TXNL1: variants seen among roughly 807,000 people sequenced by gnomAD.
TXNL1 encodes the protein thioredoxin-like protein 1.
TXNL1 carries 14 observed loss-of-function variants against 35.5 expected under a neutral mutation model. That is an observed-to-expected ratio of 0.39 (90% CI 0.26 to 0.62). The LOEUF is 0.62. Ranked by LOEUF, TXNL1 falls within the 20% of genes least tolerant of loss-of-function variation. The probability of loss-of-function intolerance (pLI) is 0.47; values close to 1 mark genes in which losing one functional copy is unlikely to be tolerated. For missense variants in TXNL1, 263 were observed against 349.7 expected, an observed-to-expected ratio of 0.75 and a Z score of 1.98; for synonymous variants, 110 against 115.5, an observed-to-expected ratio of 0.95 and a Z score of 0.31.
rs2023830107 is a variant in TXNL1 at position 56,602,894 on chromosome 18, A to G, written c.*133T>C. ...AGATTACAATGGAAACACTAGTGAT[A>G]CCATCTGAACAAAAGCAATGATTTA... On this transcript the variant is annotated 3_prime_UTR_variant, in exon 8 of 8. Coordinates refer to ENST00000217515, the MANE Select transcript of TXNL1 (RefSeq NM_004786.3). The G allele has an allele frequency of 8.4e-6, 8 of 951,582 alleles. No individual in the cohort carries two copies. Among genetic ancestry groups the G allele is most frequent in the Non-Finnish European group, 1.3e-5 (8 of 606,718 alleles). 58.9% of individuals were successfully genotyped at this position (951,582 alleles called of 1,614,324 possible).
In TXNL1 at chr18:56,607,200, T is replaced by C. The variant is rs189456133; in HGVS notation, c.840+3793A>G. Among the ~76,000 whole-genome samples the C allele has an allele frequency of 1.7e-4, 26 of 151,040 alleles. No individual in the cohort carries two copies. The East Asian group carries it at 1.8e-3, about 10-fold the overall frequency. ...GTGTGTGTGTGTGTGTGTATTCTTATAGAGATGGAATCTTACTATGTTTAT... is the reference window on the plus strand; with the variant it reads ...GTGTGTGTGTGTGTGTGTATTCTTACAGAGATGGAATCTTACTATGTTTAT... On this transcript the variant is annotated intron_variant, in intron 7 of 7. Coordinates refer to ENST00000217515, the MANE Select transcript of TXNL1 (RefSeq NM_004786.3).
At chr18:56,622,678 G>T (rs1043592794) in intron 3 of TXNL1, among the ~76,000 whole-genome samples, 1 of 152,006 alleles carries the variant, frequency 6.6e-6, no homozygotes, top group Non-Finnish European at 1.5e-5. Context: ...ATACCACAGC[G>T]GATGTGTAAA....
chr18:56,614,017 A>G (rs1297514863), intron 6 of TXNL1, among the ~76,000 whole-genome samples: 1 of 152,168 alleles, frequency 6.6e-6, no homozygotes, highest in Non-Finnish European at 1.5e-5. Flanking sequence ...AAATAAATAA[A>G]TAAAAAGTCA....
At chr18:56,623,809 T>G (rs1162672883) in intron 3 of TXNL1, among the ~76,000 whole-genome samples, 1 of 152,106 alleles carries the variant, frequency 6.6e-6, no homozygotes, top group Non-Finnish European at 1.5e-5. Flanking sequence ...ACTTTTTTTT[T>G]TTTTTAAATA....
chr18:56,599,432 T>C lies in TXNL1; in HGVS notation c.*3595A>G, dbSNP rs2023782944. The C allele has an allele frequency of 6.6e-6, 1 of 152,348 alleles. No homozygotes were observed. Among genetic ancestry groups the C allele is most frequent in the East Asian group, 1.9e-4 (1 of 5,194 alleles). 9.4% of individuals were successfully genotyped at this position (152,348 alleles called of 1,614,324 possible). On this transcript the variant is annotated 3_prime_UTR_variant, in exon 8 of 8. Transcript: ENST00000217515. ...TTTACTATATGCATGTTATATATAC[T>C]TGCTTTATGTGTATTATAAAGCATA... is the stretch of plus-strand genomic sequence containing the variant.
chr18:56,615,942 C>T (rs544651941), intron 5 of TXNL1, among the ~76,000 whole-genome samples: 1 of 151,762 alleles, frequency 6.6e-6, no homozygotes, highest in African/African-American at 2.4e-5. Flanking sequence ...ACAGCCTGGC[C>T]AACAGATGGT....
Position 56,624,378 on chromosome 18 carries a change from T to TC in TXNL1, c.278dup (p.Ala94SerfsTer17). ...TTTCTTCTAATCCCACAGCATCTGC[T>TC]CCTTGATATTGATCAATTCTCACTT... On this transcript the variant is annotated frameshift_variant, in exon 3 of 8. Transcript: ENST00000217515. LOFTEE classifies it high-confidence loss of function. 3 of 1,613,962 alleles carry TC rather than the reference T, an allele frequency of 1.9e-6. No individual in the cohort carries two copies. Among genetic ancestry groups the TC allele is most frequent in the Non-Finnish European group, 2.5e-6 (3 of 1,179,908 alleles).
chr18:56,623,109 T>C (rs1015981199), intron 3 of TXNL1, among the ~76,000 whole-genome samples: 1 of 152,182 alleles, frequency 6.6e-6, no homozygotes, highest in Non-Finnish European at 1.5e-5. Context: ...TCTGCTTTAA[T>C]ATGCCTGTTA....
intron 1 of TXNL1, among the ~76,000 whole-genome samples, chr18:56,628,497 G>A (rs1156554414): frequency 6.6e-6 from 1 of 152,106 alleles, no homozygotes; most frequent in Non-Finnish European, 1.5e-5. Context: ...ACACAATAAT[G>A]AAAATAACTG....
intron 3 of TXNL1, among the ~76,000 whole-genome samples, chr18:56,622,503 TA>T (rs1598919448): frequency 6.6e-6 from 1 of 152,362 alleles, no homozygotes; most frequent in East Asian, 1.9e-4. Context: ...CTGTGAGACC[TA>T]AATAGTTCAA....
Position 56,614,488 on chromosome 18 carries a change from T to C in TXNL1, c.671A>G (p.Asp224Gly). Residue 224 changes from aspartate to glycine, a missense_variant, in exon 6 of 8, where the codon GAT (aspartate) becomes GGT (glycine). Asp to Gly is a moderately conservative substitution (Grantham distance 94, BLOSUM62 -1). Transcript: ENST00000217515. ...TGGAACAATGCCATCTTCTTTAATA[T>C]CATCCTCTGTCAGTTCCAGAGCTTG... The part of the protein sequence containing the change: ...PTQALELTED[D>G]IKEDGIVPLR... 6.2e-7 allele frequency: 1 copy of C among 1,614,014 alleles called. No individual in the cohort carries two copies. Among genetic ancestry groups the C allele is most frequent in the East Asian group, 2.2e-5 (1 of 44,838 alleles).
Position 56,616,225 on chromosome 18 carries a change from A to G in TXNL1, c.562+20T>C. On this transcript the variant is annotated intron_variant, in intron 5 of 7. Coordinates refer to ENST00000217515, the MANE Select transcript of TXNL1 (RefSeq NM_004786.3). Reference sequence around the variant, plus strand: ...CTACAAAGCAGAAGTTAGTTTAAAGAAAAGCTATCCTTTACTCACCATTAT... The same window carrying G: ...CTACAAAGCAGAAGTTAGTTTAAAGGAAAGCTATCCTTTACTCACCATTAT... 1 of 1,607,126 alleles carries G rather than the reference A, an allele frequency of 6.2e-7. No individual in the cohort carries two copies. Among genetic ancestry groups the G allele is most frequent in the South Asian group, 1.1e-5 (1 of 90,588 alleles).
Position 56,599,545 on chromosome 18 carries a change from G to A in TXNL1, c.*3482C>T, listed in dbSNP as rs1248108011. 6.6e-6 allele frequency: 1 copy of A among 151,268 alleles called. No individual in the cohort carries two copies. The highest frequency in any genetic ancestry group is 1.5e-5 in the Non-Finnish European group (1 of 67,888). The allele number at this position is 151,268 out of a possible 1,614,324, so 9.4% of individuals were successfully genotyped here. ...AAAATATTCCTCTAGTTTTTCTTTAGCAGTTCTGTGAATGGATTTTTTTTT... is the reference window on the plus strand; with the variant it reads ...AAAATATTCCTCTAGTTTTTCTTTAACAGTTCTGTGAATGGATTTTTTTTT... On this transcript the variant is annotated 3_prime_UTR_variant, in exon 8 of 8. Coordinates refer to ENST00000217515, the MANE Select transcript of TXNL1 (RefSeq NM_004786.3).
Position 56,600,714 on chromosome 18 carries a change from G to GAA in TXNL1, c.*2311_*2312dup, listed in dbSNP as rs1325179156. The GAA allele has an allele frequency of 6.6e-6, 1 of 152,296 alleles. No homozygotes were observed. Among genetic ancestry groups the GAA allele is most frequent in the Non-Finnish European group, 1.5e-5 (1 of 68,152 alleles). The allele number at this position is 152,296 out of a possible 1,614,324, so 9.4% of individuals were successfully genotyped here. ...AATTGTTACGTGGCTGCCTCCAACA[G>GAA]AATATTGAGACTGGGGAACAACGTG... On this transcript the variant is annotated 3_prime_UTR_variant, in exon 8 of 8. Transcript: ENST00000217515.
chr18:56,619,432 G>A (rs1167688549), intron 3 of TXNL1, among the ~76,000 whole-genome samples: 1 of 150,670 alleles, frequency 6.6e-6, no homozygotes, highest in Non-Finnish European at 1.5e-5. Context: ...CAGCTACTCG[G>A]GAAGCTGAGG....
intron 6 of TXNL1, among the ~76,000 whole-genome samples, chr18:56,612,423 C>T (rs2024012011): frequency 6.6e-6 from 1 of 151,924 alleles, no homozygotes; most frequent in African/African-American, 2.4e-5. Context: ...AATAACTCCC[C>T]TCAGCACGAT....
intron 2 of TXNL1, 42 bp downstream of exon 2, chr18:56,626,319 T>C: frequency 3.2e-6 from 5 of 1,577,678 alleles, no homozygotes; most frequent in Non-Finnish European, 4.3e-6. Flanking sequence ...TTCAAATTTA[T>C]TCAAAAGTAA....
intron 1 of TXNL1, among the ~76,000 whole-genome samples, chr18:56,631,001 C>T (rs900097843): frequency 7.2e-5 from 11 of 151,968 alleles, no homozygotes; most frequent in African/African-American, 2.7e-4. Context: ...CCACCTCAGC[C>T]TCCCAAGCAG....
chr18:56,607,161 T>TTGTGTGTGTGTG (rs112495608), intron 7 of TXNL1, among the ~76,000 whole-genome samples: 1,736 of 137,576 alleles, frequency 0.013, 24 homozygotes, highest in East Asian at 0.038. Context: ...CTGGGTAATT[T>TTGTGTGTGTGTG]TGTGTGTGTG....
Sources: gnomAD v4.1 joint callset for allele counts (sites outside exome capture counted in the v4.1 genomes callset) on GRCh38, gnomAD v4.1.1 for gene constraint, MANE v1.5 for transcripts, NCBI Gene and HGNC (gene_info 2026-07-23, HGNC 2026-07-21) for gene names.